Variants in DGKH observed in about 807,000 individuals in gnomAD.
The protein encoded by DGKH is diacylglycerol kinase eta.
In DGKH, 90 loss-of-function variants were observed where a neutral mutation model predicts 159.3. The observed-to-expected ratio is 0.57, with a 90% CI of 0.48 to 0.67. The LOEUF (loss-of-function observed/expected upper bound fraction) is 0.67. Among genes scored for constraint, DGKH ranks in the 30% least tolerant of loss-of-function variants. DGKH has a pLI of 0.00. For missense variants in DGKH, 1,181 were observed against 1,506.1 expected (o/e 0.78, Z 3.57); for synonymous variants, 536 against 553.8 (o/e 0.97, Z 0.45).
At chr13:42,207,069 CTTT>C (rs1957508958) in intron 21 of DGKH, among the ~76,000 whole-genome samples, 3 of 112,144 alleles carry the variant, frequency 2.7e-5, no homozygotes, top group African/African-American at 1.1e-4. Context: ...TTCCTTCTTT[CTTT>C]CTTTCTTTCT....
chr13:42,159,875 G>C lies in DGKH; in HGVS notation c.730-136G>C, dbSNP rs1010335481. ...CGTTCATAATAGATGCTCAATAAAC[G>C]TGGGGTAAATGAGTGAATGCTATGC... On this transcript the variant is annotated intron_variant, in intron 6 of 29. Coordinates refer to ENST00000337343, the MANE Select transcript of DGKH (RefSeq NM_178009.5). The C allele has an allele frequency of 4.8e-6, 6 of 1,246,658 alleles. No individual in the cohort carries two copies. In the East Asian group the frequency reaches 1.5e-4, roughly 31 times the overall value. 77.2% of individuals were successfully genotyped at this position (1,246,658 alleles called of 1,614,324 possible). A position where few individuals can be genotyped will look rare whatever the true frequency, so the allele number is the denominator to read the frequency against.
intron 15 of DGKH, 146 bp from the exon 16 acceptor site, chr13:42,190,257 C>A (rs1957028533): frequency 4.5e-6 from 4 of 883,242 alleles, no homozygotes; most frequent in Non-Finnish European, 6.5e-6. Flanking sequence ...CGGACATCAA[C>A]CCCAAGTTCA....
At chr13:42,128,347 G>T (rs1309791023) in intron 2 of DGKH, among the ~76,000 whole-genome samples, 1 of 152,114 alleles carries the variant, frequency 6.6e-6, no homozygotes, top group African/African-American at 2.4e-5. Flanking sequence ...TGGTAGGGTT[G>T]TACACCAGGA....
chr13:42,041,227 G>A (rs1157004216), intron 1 of DGKH, among the ~76,000 whole-genome samples: 1 of 152,188 alleles, frequency 6.6e-6, no homozygotes, highest in African/African-American at 2.4e-5. Flanking sequence ...CTTTGAGACC[G>A]TGGAATGTAG....
At chr13:42,059,905 C>CTTTTTTTTTTTTTTTTTTTTTTTTT (rs11357293) in intron 1 of DGKH, among the ~76,000 whole-genome samples, 1 of 139,818 alleles carries the variant, frequency 7.2e-6, no homozygotes, top group Non-Finnish European at 1.5e-5. Context: ...TCTCTTTTTT[C>CTTTTTTTTTTTTTTTTTTTTTTTTT]TTTTTTTTTT....
chr13:42,083,254 G>A (rs1322599144), intron 1 of DGKH, among the ~76,000 whole-genome samples: 1 of 152,170 alleles, frequency 6.6e-6, no homozygotes, highest in Non-Finnish European at 1.5e-5. Context: ...GAGGGAGAGA[G>A]ATTTGCTTCG....
intron 13 of DGKH, 56 bp downstream of exon 13, chr13:42,178,276 C>CAG: frequency 7.3e-7 from 1 of 1,362,514 alleles, no homozygotes; most frequent in Non-Finnish European, 1.0e-6. Flanking sequence ...ATAGCTGGCT[C>CAG]CTACCATTTA....
At position 42,162,808 on chromosome 13, in the gene DGKH, A is replaced by G. The variant is rs1956218182; in HGVS notation, c.856-2523A>G. Among the ~76,000 whole-genome samples, 7 of 151,700 alleles carry G rather than the reference A, an allele frequency of 4.6e-5. No individual in the cohort carries two copies. The South Asian group carries it at 1.5e-3, about 32-fold the overall frequency. ...AACAAGAGTGAAACTCCATGTCAAA[A>G]CACAAACAAAAACATGAGTTTCTTT... On this transcript the variant is annotated intron_variant, in intron 7 of 29. Transcript: ENST00000337343.
At chr13:42,163,028 A>C in intron 7 of DGKH, among the ~76,000 whole-genome samples, 1 of 126,346 alleles carries the variant, frequency 7.9e-6, no homozygotes, top group Non-Finnish European at 1.7e-5. Context: ...CAACCCCACA[A>C]CAGTCCCCAG....
Position 42,200,983 on chromosome 13 carries a change from T to TTTTATTTATTTATTTA in DGKH, c.2493+1082_2493+1097dup, listed in dbSNP as rs149544122. ...CATGTACCCCGGTTGGCCACATTCT[T>TTTTATTTATTTATTTA]TTTATTTATTTATTTATTTATTTTT... On this transcript the variant is annotated intron_variant, in intron 20 of 29. Coordinates refer to ENST00000337343, the MANE Select transcript of DGKH (RefSeq NM_178009.5). Among the ~76,000 whole-genome samples, 16 of 151,080 alleles carry TTTTATTTATTTATTTA rather than the reference T, an allele frequency of 1.1e-4. No individual in the cohort carries two copies. In the South Asian group the frequency reaches 1.9e-3, roughly 18 times the overall value.
At chr13:42,173,986 C>T (rs890763868) in intron 11 of DGKH, 74 bp from the exon 12 acceptor site, 34 of 973,590 alleles carry the variant, frequency 3.5e-5, no homozygotes, top group South Asian at 1.1e-4. Context: ...TGTGTGTGCG[C>T]GTTTATGAGA....
At chr13:42,168,631 C>A (rs371823512) in intron 10 of DGKH, 48 bp from the exon 11 acceptor site, 27 of 1,613,378 alleles carry the variant, frequency 1.7e-5, no homozygotes, top group Non-Finnish European at 2.1e-5. Flanking sequence ...TGCAGTAGTC[C>A]CTATTTCTCA....
At chr13:42,153,814 A>G (rs1050998796) in intron 3 of DGKH, 1 of 152,248 alleles carries the variant, frequency 6.6e-6, no homozygotes, top group Non-Finnish European at 1.5e-5. Flanking sequence ...AAGAAAATGC[A>G]AAAGTGAGGT....
rs77354249 is a variant in DGKH, at chr13:42,212,657, G to T, written c.3015-1850G>T. 8.7e-4 allele frequency among the ~76,000 whole-genome samples: 132 copies of T among 152,308 alleles called. 1 individual carries two copies. Among genetic ancestry groups the T allele is most frequent in the Middle Eastern group, 6.8e-3 (2 of 294 alleles). ...TTTGCAGATGAAATCAGGCTCACTTGTCTATTTTCAGAATTTATTCATTGA... is the reference window on the plus strand; with the variant it reads ...TTTGCAGATGAAATCAGGCTCACTTTTCTATTTTCAGAATTTATTCATTGA... On this transcript the variant is annotated intron_variant, in intron 24 of 29. Coordinates refer to ENST00000337343, the MANE Select transcript of DGKH (RefSeq NM_178009.5).
intron 2 of DGKH, among the ~76,000 whole-genome samples, chr13:42,128,687 A>G (rs9562379): frequency 0.016 from 2,433 of 152,256 alleles, 61 homozygotes; most frequent in East Asian, 0.09. Flanking sequence ...GTGATCTTCT[A>G]TAGCATTTCA....
intron 29 of DGKH, among the ~76,000 whole-genome samples, chr13:42,224,120 G>T (rs1168925426): frequency 1.3e-5 from 2 of 152,066 alleles, no homozygotes; most frequent in Admixed American, 6.6e-5. Context: ...ATATTCCAAT[G>T]TATATATGTG....
intron 3 of DGKH, among the ~76,000 whole-genome samples, chr13:42,150,540 T>C (rs1377944840): frequency 6.6e-6 from 1 of 152,214 alleles, no homozygotes; most frequent in East Asian, 1.9e-4. Flanking sequence ...GCAAAGCACT[T>C]TGAAAATGTA....
At chr13:42,218,589 A>C (rs1957874057) in intron 26 of DGKH, among the ~76,000 whole-genome samples, 1 of 148,538 alleles carries the variant, frequency 6.7e-6, no homozygotes, top group African/African-American at 2.5e-5. Context: ...GCTCACTGCA[A>C]TCTCCACTTC....
At chr13:42,071,030 C>G (rs761213467) in intron 1 of DGKH, 28 of 1,264,820 alleles carry the variant, frequency 2.2e-5, no homozygotes, top group Non-Finnish European at 3.2e-5. Flanking sequence ...GGTTTTAAGT[C>G]CATATACGTA....
Sources: allele counts gnomAD v4.1 joint callset (sites outside exome capture counted in the v4.1 genomes callset), GRCh38; gene constraint gnomAD v4.1.1; transcripts MANE v1.5; gene names NCBI Gene and HGNC (gene_info 2026-07-23, HGNC 2026-07-21).